The following SLC1A7 variants were observed in gnomAD, a reference collection of about 807,000 sequenced individuals.
The protein encoded by SLC1A7 is solute carrier family 1 member 7.
SLC1A7 carries 40 observed loss-of-function variants against 47.7 expected under a neutral mutation model. The observed-to-expected ratio is 0.84, with a 90% CI of 0.65 to 1.09. The LOEUF is 1.09. Among genes scored for constraint, SLC1A7 ranks in the 50% least tolerant of loss-of-function variants. The probability of loss-of-function intolerance (pLI) is 0.00; values close to 1 mark genes in which losing one functional copy is unlikely to be tolerated. For missense variants in SLC1A7, 746 were observed against 769.5 expected (o/e 0.97, Z 0.36); for synonymous variants, 323 against 325.6 (o/e 0.99, Z 0.09).
At chr1:53,140,722 A>T (rs1645049250) in intron 1 of SLC1A7, among the ~76,000 whole-genome samples, 1 of 152,148 alleles carries the variant, frequency 6.6e-6, no homozygotes, top group Admixed American at 6.5e-5. Context: ...CCTCATAATA[A>T]TTCTAGTAGA....
chr1:53,120,342 G>A (rs1410842987), intron 2 of SLC1A7, among the ~76,000 whole-genome samples: 1 of 152,120 alleles, frequency 6.6e-6, no homozygotes, highest in East Asian at 1.9e-4. Context: ...CCCCCACGAA[G>A]TCGAAGTTGT....
At chr1:53,129,481 T>A (rs879337947) in intron 2 of SLC1A7, among the ~76,000 whole-genome samples, 4,753 of 140,074 alleles carry the variant, frequency 0.034, 18 homozygotes, top group East Asian at 0.053. Context: ...CCACCACTGG[T>A]CAAGCGTGGG....
Position 53,096,448 on chromosome 1 carries a change from C to A in SLC1A7, c.698-2888G>T, listed in dbSNP as rs554613705. 2.0e-5 allele frequency among the ~76,000 whole-genome samples: 3 copies of A among 149,796 alleles called. No homozygotes were observed. The East Asian group carries it at 6.0e-4, about 30-fold the overall frequency. ...CACCCTGCCTCGGTACACTCACACA[C>A]CTTGCTTCATTACAATTACACACCC... On this transcript the variant is annotated intron_variant, in intron 5 of 10. Coordinates refer to ENST00000371494, the MANE Select transcript of SLC1A7 (RefSeq NM_006671.6).
chr1:53,136,560 T>TATATAATATGTAAACATATATA (rs71044458), intron 1 of SLC1A7, among the ~76,000 whole-genome samples: 1 of 80,508 alleles, frequency 1.2e-5, no homozygotes, highest in Admixed American at 1.6e-4. Flanking sequence ...TATATAAACA[T>TATATAATATGTAAACATATATA]ATATATAAAC....
In SLC1A7 at chr1:53,098,454, G is replaced by A. The variant is rs117702169; in HGVS notation, c.697+4892C>T. 2.2e-3 allele frequency among the ~76,000 whole-genome samples: 328 copies of A among 147,786 alleles called. 9 individuals are homozygous for A. In the East Asian group the frequency reaches 0.059, roughly 27 times the overall value. Reference sequence around the variant, plus strand: ...TCAGTACACTCACACACCCTGCCTTGGTACACTCACCCTGCCTCAATGCAT... The same window carrying A: ...TCAGTACACTCACACACCCTGCCTTAGTACACTCACCCTGCCTCAATGCAT... On this transcript the variant is annotated intron_variant, in intron 5 of 10. Coordinates refer to ENST00000371494, the MANE Select transcript of SLC1A7 (RefSeq NM_006671.6).
intron 2 of SLC1A7, among the ~76,000 whole-genome samples, chr1:53,122,536 C>T (rs1405452067): frequency 6.6e-6 from 1 of 152,208 alleles, no homozygotes; most frequent in African/African-American, 2.4e-5. Flanking sequence ...ACAGCCAGTG[C>T]CATGCCCATT....
chr1:53,134,459 G>T, intron 1 of SLC1A7, 30 bp from the exon 2 acceptor site: 1 of 1,444,286 alleles, frequency 6.9e-7, no homozygotes, highest in Non-Finnish European at 9.7e-7. Flanking sequence ...TGGGGTTATA[G>T]CAAGAGATGC....
intron 5 of SLC1A7, among the ~76,000 whole-genome samples, chr1:53,099,214 C>A (rs573179988): frequency 2.0e-5 from 3 of 151,216 alleles, no homozygotes; most frequent in Non-Finnish European, 3.0e-5. Context: ...TCATACACAC[C>A]GCCTCAGTAC....
intron 8 of SLC1A7, chr1:53,090,244 C>G: frequency 1.8e-6 from 1 of 547,460 alleles, no homozygotes; most frequent in Non-Finnish European, 3.3e-6. Flanking sequence ...TCTGACTGAC[C>G]ACCACATGGC....
At chr1:53,107,755 GTGTT>G (rs1644659720) in intron 3 of SLC1A7, among the ~76,000 whole-genome samples, 1 of 152,182 alleles carries the variant, frequency 6.6e-6, no homozygotes, top group African/African-American at 2.4e-5. Flanking sequence ...CGGAAGCTCT[GTGTT>G]TGTTCACTGT....
At chr1:53,112,915 CACA>C (rs1013811665) in intron 3 of SLC1A7, among the ~76,000 whole-genome samples, 2 of 152,280 alleles carry the variant, frequency 1.3e-5, no homozygotes, top group Non-Finnish European at 2.9e-5. Context: ...CCTGGAGAGA[CACA>C]ACGAGGGAGC....
intron 6 of SLC1A7, 85 bp from the exon 7 acceptor site, chr1:53,092,872 C>T (rs936481428): frequency 3.5e-6 from 3 of 868,372 alleles, no homozygotes; most frequent in Non-Finnish European, 5.7e-6. Context: ...GCGGCCTTCC[C>T]CCTGAGCTTC....
At chr1:53,105,966 C>G (rs867944857) in intron 3 of SLC1A7, among the ~76,000 whole-genome samples, 192 bp from the exon 4 acceptor site, 2 of 152,118 alleles carry the variant, frequency 1.3e-5, no homozygotes, top group African/African-American at 4.8e-5. Context: ...GACTGTGCCA[C>G]ATACTTTCCA....
chr1:53,095,976 C>G (rs1020024767), intron 5 of SLC1A7, among the ~76,000 whole-genome samples: 3 of 148,708 alleles, frequency 2.0e-5, no homozygotes, highest in Non-Finnish European at 4.5e-5. Flanking sequence ...TTCACACACA[C>G]CACCTTGGTA....
At chr1:53,116,286 G>T in intron 2 of SLC1A7, 1 of 152,470 alleles carries the variant, frequency 6.6e-6, no homozygotes, top group Non-Finnish European at 1.5e-5. Context: ...TGACCACCAG[G>T]CTGAGTGAAG....
At position 53,141,716 on chromosome 1, in the gene SLC1A7, C is replaced by A. The variant is rs151165914; in HGVS notation, c.135+599G>T. On this transcript the variant is annotated intron_variant, in intron 1 of 10. Coordinates refer to ENST00000371494, the MANE Select transcript of SLC1A7 (RefSeq NM_006671.6). ...TTTTGTCTGCACTGCCGCATCTCCC[C>A]CAGGCTGCCCCTTCTCGGCCCCCTG... Among the ~76,000 whole-genome samples, 69 of 151,964 alleles carry A rather than the reference C, an allele frequency of 4.5e-4. 1 individual carries two copies. In the East Asian group the frequency reaches 0.012, roughly 26 times the overall value.
At chr1:53,132,331 A>G (rs1385290474) in intron 2 of SLC1A7, among the ~76,000 whole-genome samples, 1 of 151,978 alleles carries the variant, frequency 6.6e-6, no homozygotes, top group African/African-American at 2.4e-5. Context: ...TGGACGTGAG[A>G]AGAGAGTGCC....
chr1:53,128,629 G>A (rs1183557468), intron 2 of SLC1A7, among the ~76,000 whole-genome samples: 1 of 143,094 alleles, frequency 7.0e-6, no homozygotes, highest in Admixed American at 7.0e-5. Context: ...GGATGTGCAG[G>A]TGTGCACGAC....
intron 2 of SLC1A7, among the ~76,000 whole-genome samples, chr1:53,129,670 C>T (rs1448579832): frequency 7.1e-6 from 1 of 141,746 alleles, no homozygotes; most frequent in Non-Finnish European, 1.6e-5. Flanking sequence ...CCTCCTTTCT[C>T]CAGAGCAAGG....
Sources: allele counts gnomAD v4.1 joint callset (sites outside exome capture counted in the v4.1 genomes callset), GRCh38; gene constraint gnomAD v4.1.1; transcripts MANE v1.5; gene names NCBI Gene and HGNC (gene_info 2026-07-23, HGNC 2026-07-21).